Variants in DOCK2 observed in about 807,000 individuals in gnomAD.
The protein encoded by DOCK2 is dedicator of cytokinesis 2, also known as dedicator of cytokinesis protein 2.
DOCK2 carries 87 observed loss-of-function variants against 248.9 expected under a neutral mutation model. The observed-to-expected ratio is 0.35, with a 90% CI of 0.29 to 0.42. DOCK2 has a LOEUF of 0.42. DOCK2 is among the 10% of genes least tolerant of loss of function. The pLI, the probability that DOCK2 is intolerant of heterozygous loss-of-function variation, is 1.00. For missense variants in DOCK2, 1,747 were observed against 2,300.2 expected, an observed-to-expected ratio of 0.76 and a Z score of 4.92; for synonymous variants, 805 against 821.6, an observed-to-expected ratio of 0.98 and a Z score of 0.35.
intron 27 of DOCK2, among the ~76,000 whole-genome samples, chr5:169,934,291 C>A (rs1164656003): frequency 6.6e-6 from 1 of 152,200 alleles, no homozygotes; most frequent in Non-Finnish European, 1.5e-5. Context: ...GGGAAGACTT[C>A]TCTGATTTCC....
At chr5:169,644,358 A>T (rs2113107212) in intron 1 of DOCK2, among the ~76,000 whole-genome samples, 1 of 152,310 alleles carries the variant, frequency 6.6e-6, no homozygotes, top group South Asian at 2.1e-4. Flanking sequence ...GGTGGCTTGC[A>T]GCAGGAGGGA....
At chr5:169,667,428 C>T (rs1301776397) in intron 2 of DOCK2, among the ~76,000 whole-genome samples, 4 of 152,188 alleles carry the variant, frequency 2.6e-5, no homozygotes, top group South Asian at 2.1e-4. Context: ...CTCACAGTGT[C>T]GCTCTGAGGA....
At position 169,674,439 on chromosome 5, in the gene DOCK2, G is replaced by A; in HGVS notation, c.464G>A (p.Gly155Asp). 6.2e-7 allele frequency: 1 copy of A among 1,614,052 alleles called. No homozygotes were observed. The highest frequency in any genetic ancestry group is 2.2e-5 in the East Asian group (1 of 44,868). ...AAAGTCACGTCCAAAATTGACTATG[G>A]CAACAAGTAACCTCTCTTTCCTCTG... ...KQKVTSKIDY[G>D]NKILELDLIV... is the part of the protein sequence containing the mutation. Residue 155 changes from glycine to aspartate, a missense_variant, in exon 6 of 52, where the codon GGC (glycine) becomes GAC (aspartate). By Grantham distance (94) the Gly-to-Asp change is moderately conservative. Around this residue, in one of 4 missense-constraint regions of DOCK2, gnomAD observed 375 missense variants for 510.9 expected, o/e 0.73. Coordinates refer to ENST00000520908, the MANE Select transcript of DOCK2 (RefSeq NM_004946.3).
chr5:169,969,278 C>T (rs531323089), intron 27 of DOCK2, among the ~76,000 whole-genome samples: 24 of 152,100 alleles, frequency 1.6e-4, no homozygotes, highest in Non-Finnish European at 3.4e-4. Context: ...AACACCATCT[C>T]TACTAAAAAT....
intron 1 of DOCK2, among the ~76,000 whole-genome samples, chr5:169,639,991 A>G (rs1757063644): frequency 6.6e-6 from 1 of 152,168 alleles, no homozygotes; most frequent in Admixed American, 6.5e-5. Context: ...GCCTATCTCC[A>G]TGGTTTGCAG....
intron 35 of DOCK2, among the ~76,000 whole-genome samples, chr5:170,035,629 T>G (rs1332442168): frequency 6.6e-6 from 1 of 152,150 alleles, no homozygotes; most frequent in Non-Finnish European, 1.5e-5. Flanking sequence ...GGAGAATGCT[T>G]GGGACAGACA....
At chr5:170,029,210 C>T (rs952713805) in intron 34 of DOCK2, among the ~76,000 whole-genome samples, 1 of 152,138 alleles carries the variant, frequency 6.6e-6, no homozygotes, top group Non-Finnish European at 1.5e-5. Flanking sequence ...TATAAGGGTT[C>T]CAATTTCTCT....
intron 27 of DOCK2, among the ~76,000 whole-genome samples, chr5:169,981,578 T>C (rs541588328): frequency 6.6e-6 from 1 of 152,318 alleles, no homozygotes; most frequent in African/African-American, 2.4e-5. Flanking sequence ...CTATTATAAT[T>C]GTTTTAGCAC....
chr5:170,027,341 G>A (rs1755954434), intron 33 of DOCK2, among the ~76,000 whole-genome samples: 1 of 152,062 alleles, frequency 6.6e-6, no homozygotes. Flanking sequence ...AAGGACTGTG[G>A]TTAGGACTGG....
intron 27 of DOCK2, among the ~76,000 whole-genome samples, chr5:169,843,075 T>A (rs933888338): frequency 6.6e-6 from 1 of 152,196 alleles, no homozygotes; most frequent in African/African-American, 2.4e-5. Context: ...AGTCTTTTCA[T>A]CAACTTTTTT....
chr5:169,718,059 AAAAAC>A (rs145928943), intron 21 of DOCK2, among the ~76,000 whole-genome samples: 90,294 of 150,322 alleles, frequency 0.6, 27,390 homozygotes, highest in East Asian at 0.75. Context: ...GACTCATCTC[AAAAAC>A]AAAACAAAAC....
chr5:169,992,362 C>T (rs900863935), intron 29 of DOCK2, among the ~76,000 whole-genome samples: 4 of 152,184 alleles, frequency 2.6e-5, no homozygotes, highest in Admixed American at 6.5e-5. Context: ...GATCTGATAA[C>T]GAACTTTGTT....
At chr5:169,700,168 T>C (rs1760880952) in intron 13 of DOCK2, 29 bp downstream of exon 13, 1 of 1,608,148 alleles carries the variant, frequency 6.2e-7, no homozygotes, top group African/African-American at 1.3e-5. Context: ...GACCTTCCCC[T>C]GGGGACATAG....
intron 26 of DOCK2, among the ~76,000 whole-genome samples, chr5:169,817,142 G>T (rs536859019): frequency 1.3e-5 from 2 of 152,224 alleles, no homozygotes; most frequent in African/African-American, 4.8e-5. Flanking sequence ...ATTCTTCCTC[G>T]ATTAAGAAAT....
At chr5:169,710,783 T>C (rs1366071680) in intron 15 of DOCK2, among the ~76,000 whole-genome samples, 1 of 152,200 alleles carries the variant, frequency 6.6e-6, no homozygotes, top group African/African-American at 2.4e-5. Context: ...TGCCTTCGAA[T>C]TGATGACCCG....
intron 33 of DOCK2, among the ~76,000 whole-genome samples, chr5:170,023,212 C>A (rs1397561970): frequency 6.6e-6 from 1 of 152,064 alleles, no homozygotes; most frequent in Non-Finnish European, 1.5e-5. Flanking sequence ...GAATTCTTCT[C>A]TCAGAGAAAG....
intron 46 of DOCK2, among the ~76,000 whole-genome samples, chr5:170,069,970 A>C (rs1581573825): frequency 2.8e-5 from 4 of 142,894 alleles, no homozygotes; most frequent in Non-Finnish European, 4.6e-5. Context: ...CACACATCTT[A>C]CTCCTCTCTT....
chr5:169,840,357 C>T (rs1769874414), intron 26 of DOCK2, among the ~76,000 whole-genome samples: 2 of 152,126 alleles, frequency 1.3e-5, no homozygotes, highest in Admixed American at 1.3e-4. Context: ...TCTACGAGGC[C>T]CCACCTCCAA....
intron 27 of DOCK2, among the ~76,000 whole-genome samples, chr5:169,870,585 T>A (rs968970666): frequency 8.5e-5 from 13 of 152,160 alleles, no homozygotes; most frequent in Non-Finnish European, 1.8e-4. Context: ...CTTCTTTTTT[T>A]AATTTTTTGA....
Sources: gnomAD v4.1 joint callset for allele counts (sites outside exome capture counted in the v4.1 genomes callset) on GRCh38, gnomAD v4.1.1 for gene constraint, gnomAD v4.1.1 regional missense constraint, MANE v1.5 for transcripts, NCBI Gene and HGNC (gene_info 2026-07-23, HGNC 2026-07-21) for gene names.